DHX34: variants seen among roughly 807,000 people sequenced by gnomAD.
The protein encoded by DHX34 is DExH-box helicase 34, also known as probable ATP-dependent RNA helicase DHX34.
A neutral mutation model predicts 111.1 loss-of-function variants in DHX34; 96 were observed. That is an observed-to-expected ratio of 0.86 (90% CI 0.73 to 1.02). The LOEUF (loss-of-function observed/expected upper bound fraction) is 1.02. Among genes scored for constraint, DHX34 ranks in the 50% least tolerant of loss-of-function variants. The probability of loss-of-function intolerance (pLI) is 0.00; values close to 1 mark genes in which losing one functional copy is unlikely to be tolerated. For missense variants in DHX34, 1,560 were observed against 1,579.9 expected (o/e 0.99, Z 0.21); for synonymous variants, 688 against 670.4 (o/e 1.03, Z -0.41).
intron 7 of DHX34, among the ~76,000 whole-genome samples, chr19:47,368,818 A>G (rs574574679): frequency 6.6e-6 from 1 of 151,860 alleles, no homozygotes. Flanking sequence ...GATTCAAGCA[A>G]TTCTCCTGCC....
At chr19:47,369,635 C>T (rs575417324) in intron 7 of DHX34, among the ~76,000 whole-genome samples, 5 of 152,250 alleles carry the variant, frequency 3.3e-5, no homozygotes, top group Non-Finnish European at 7.4e-5. Context: ...ATGCAGGGCA[C>T]GGTGGGCACA....
At chr19:47,375,241 G>A (rs1327143392) in intron 9 of DHX34, 8 of 972,926 alleles carry the variant, frequency 8.2e-6, no homozygotes, top group South Asian at 9.5e-5. Context: ...GGCACTGGAC[G>A]CCCGCACCTG....
At position 47,353,081 on chromosome 19, in the gene DHX34, G is replaced by T. The variant is rs1044992648; in HGVS notation, c.51G>T (p.Arg17=). 13 of 1,613,994 alleles carry T rather than the reference G, an allele frequency of 8.1e-6. No individual in the cohort carries two copies. The highest frequency in any genetic ancestry group is 1.1e-5 in the Non-Finnish European group (13 of 1,179,988). The change falls in exon 2 of 17, where the codon CGG becomes CGT. Residue 17 remains arginine (R), a synonymous_variant. Coordinates refer to ENST00000328771, the MANE Select transcript of DHX34 (RefSeq NM_014681.6). The surrounding 1 kb of genome is among the most constrained non-coding windows in gnomAD (Gnocchi z 4.6). ...GCAGGGATCGCCGAGACCACCACCGGGCTCCCAGCGAGGAAGAGGCCTTGG... is the reference window on the plus strand; with the variant it reads ...GCAGGGATCGCCGAGACCACCACCGTGCTCCCAGCGAGGAAGAGGCCTTGG... ...REGRDRRDHH[R]APSEEEALEK... is the part of the protein sequence containing the mutation.
rs555319482 is a variant in DHX34 at position 47,353,653 on chromosome 19, C to T, written c.623C>T (p.Ala208Val). Residue 208 changes from alanine (A) to valine (V), a missense_variant, in exon 2 of 17, where the codon GCG becomes GTG. Ala to Val is a moderately conservative substitution (Grantham distance 64, BLOSUM62 0). Coordinates refer to ENST00000328771, the MANE Select transcript of DHX34 (RefSeq NM_014681.6). The surrounding 1 kb of genome is among the most constrained non-coding windows in gnomAD (Gnocchi z 4.6). ...YLLAAGFSHV[A>V]CTQPRRIACI... The stretch of plus-strand genomic sequence containing the variant: ...CTGGCTGCTGGCTTCAGTCATGTGG[C>T]GTGCACCCAGCCCCGGCGGATCGCC... The T allele has an allele frequency of 5.6e-6, 9 of 1,613,062 alleles. No homozygotes were observed. Among genetic ancestry groups the T allele is most frequent in the South Asian group, 2.2e-5 (2 of 91,026 alleles).
At chr19:47,378,583 A>G (rs1371072436) in intron 13 of DHX34, among the ~76,000 whole-genome samples, 1 of 152,120 alleles carries the variant, frequency 6.6e-6, no homozygotes, top group Non-Finnish European at 1.5e-5. Context: ...GAATCCCAGC[A>G]CCTTGGGAGG....
chr19:47,381,056 C>T, intron 15 of DHX34, 64 bp downstream of exon 15: 1 of 1,545,952 alleles, frequency 6.5e-7, no homozygotes, highest in Non-Finnish European at 8.7e-7. Flanking sequence ...CCCGTTTCAC[C>T]TTAGTCCAGG....
chr19:47,353,073 CA>C lies in DHX34; in HGVS notation c.44del (p.His15ProfsTer161). 1 of 1,613,920 alleles carries C rather than the reference CA, an allele frequency of 6.2e-7. No homozygotes were observed. The highest frequency in any genetic ancestry group is 8.5e-7 in the Non-Finnish European group (1 of 1,179,816). On this transcript the variant is annotated frameshift_variant, in exon 2 of 17. Coordinates refer to ENST00000328771, the MANE Select transcript of DHX34 (RefSeq NM_014681.6). LOFTEE classifies it high-confidence loss of function. The surrounding 1 kb of genome is among the most constrained non-coding windows in gnomAD (Gnocchi z 4.6). ...AAGGGAGGGCAGGGATCGCCGAGAC[CA>C]CCACCGGGCTCCCAGCGAGGAAGAG... ...RTREGRDRRD[H>X]HRAPSEEEAL...
At chr19:47,376,880 G>C (rs914805809) in intron 12 of DHX34, 4 of 1,533,386 alleles carry the variant, frequency 2.6e-6, no homozygotes, top group African/African-American at 1.4e-5. Flanking sequence ...AGGCCCCCCT[G>C]GCACCCGTGT....
intron 6 of DHX34, among the ~76,000 whole-genome samples, chr19:47,365,574 TTGGG>T (rs1969765717): frequency 6.6e-6 from 1 of 152,042 alleles, no homozygotes; most frequent in African/African-American, 2.4e-5. Context: ...TAAATGAGTA[TTGGG>T]TGAACTCATA....
Position 47,353,858 on chromosome 19 carries a change from T to A in DHX34, c.705+123T>A. The stretch of plus-strand genomic sequence containing the variant: ...CCCTTGGACCCAGCGATGATTCTTC[T>A]AGAACTTTATCCACAGAGTGGCTTG... On this transcript the variant is annotated intron_variant, in intron 2 of 16. Coordinates refer to ENST00000328771, the MANE Select transcript of DHX34 (RefSeq NM_014681.6). The surrounding 1 kb of genome is among the most constrained non-coding windows in gnomAD (Gnocchi z 4.6). 1.0e-6 allele frequency: 1 copy of A among 961,082 alleles called. No individual in the cohort carries two copies. The highest frequency in any genetic ancestry group is 1.5e-6 in the Non-Finnish European group (1 of 670,352). 59.5% of individuals were successfully genotyped at this position (961,082 alleles called of 1,614,324 possible).
intron 7 of DHX34, among the ~76,000 whole-genome samples, chr19:47,370,347 C>T (rs1476913542): frequency 6.6e-6 from 1 of 152,152 alleles, no homozygotes; most frequent in East Asian, 1.9e-4. Context: ...CTCTCCTCTG[C>T]ACAGCGTGTC....
At chr19:47,372,396 A>C (rs1023077687) in intron 7 of DHX34, among the ~76,000 whole-genome samples, 1 of 152,044 alleles carries the variant, frequency 6.6e-6, no homozygotes. Flanking sequence ...GGGAAGCATC[A>C]GAGCGCTGGG....
rs1219626470 is a variant in DHX34, at chr19:47,353,921, G to C, written c.705+186G>C. ...ATGACAAAGGAGCTAGCATTAACCA[G>C]TGTAGCACTTTAACAGCAAAACAAT... On this transcript the variant is annotated intron_variant, in intron 2 of 16. Transcript: ENST00000328771. The surrounding 1 kb of genome is among the most constrained non-coding windows in gnomAD (Gnocchi z 4.6). Among the ~76,000 whole-genome samples the C allele has an allele frequency of 6.6e-6, 1 of 152,196 alleles. No homozygotes were observed. The highest frequency in any genetic ancestry group is 1.5e-5 in the Non-Finnish European group (1 of 68,026).
At chr19:47,376,656 G>C (rs375342685) in intron 12 of DHX34, 96 bp downstream of exon 12, 1 of 1,489,202 alleles carries the variant, frequency 6.7e-7, no homozygotes, top group African/African-American at 1.4e-5. Flanking sequence ...CTCCCACACC[G>C]GCCCAGGCTG....
At position 47,382,035 on chromosome 19, in the gene DHX34, C is replaced by T. The variant is rs1970379846; in HGVS notation, c.3354C>T (p.Pro1118=). The change falls in exon 17 of 17, where the codon CCC becomes CCT. Residue 1118 remains proline, a synonymous_variant. Coordinates refer to ENST00000328771, the MANE Select transcript of DHX34 (RefSeq NM_014681.6). ...AGAAGACATCTGTCCTGCAGAGGCC[C>T]TACCACTGCGAGGCCTGCGGGAAGG... ...TLQKTSVLQR[P]YHCEACGKDF... 6 of 1,614,050 alleles carry T rather than the reference C, an allele frequency of 3.7e-6. No homozygotes were observed. The highest frequency in any genetic ancestry group is 1.1e-5 in the South Asian group (1 of 91,092).
Position 47,375,522 on chromosome 19 carries a change from C to T in DHX34, c.2121C>T (p.Asp707=). The T allele has an allele frequency of 1.9e-6, 3 of 1,567,734 alleles. No individual in the cohort carries two copies. Among genetic ancestry groups the T allele is most frequent in the South Asian group, 2.3e-5 (2 of 86,636 alleles). ...LAGAQAAQVG[D]SYSRLQQRRE... is the part of the protein sequence containing the mutation. Reference sequence around the variant, plus strand: ...GGGCCCAGGCCGCGCAGGTAGGGGACAGCTACAGTCGGTTGCAGCAGCGCC... The same window carrying T: ...GGGCCCAGGCCGCGCAGGTAGGGGATAGCTACAGTCGGTTGCAGCAGCGCC... The change falls in exon 10 of 17, where the codon GAC becomes GAT. Residue 707 remains aspartate, a synonymous_variant. Coordinates refer to ENST00000328771, the MANE Select transcript of DHX34 (RefSeq NM_014681.6).
In DHX34 at chr19:47,379,854, G is replaced by C; in HGVS notation, c.2851G>C (p.Glu951Gln). ...AASLRLRARWESALDRQLAHQ... is the reference protein window; with the variant it reads ...AASLRLRARWQSALDRQLAHQ... ...TTCCCTGCGGCTCCGTGCCCGCTGGGAAAGTGCCCTGGACCGGCAGCTGGC... is the reference window on the plus strand; with the variant it reads ...TTCCCTGCGGCTCCGTGCCCGCTGGCAAAGTGCCCTGGACCGGCAGCTGGC... Residue 951 changes from glutamate (E) to glutamine (Q), a missense_variant, in exon 14 of 17, where the codon GAA (glutamate) becomes CAA (glutamine). Transcript: ENST00000328771. 1.2e-6 allele frequency: 2 copies of C among 1,613,786 alleles called. No individual in the cohort carries two copies. Among genetic ancestry groups the C allele is most frequent in the East Asian group, 2.2e-5 (1 of 44,878 alleles).
intron 13 of DHX34, among the ~76,000 whole-genome samples, chr19:47,377,877 C>T (rs967975392): frequency 1.2e-4 from 18 of 151,980 alleles, no homozygotes; most frequent in African/African-American, 4.1e-4. Flanking sequence ...TGCATGGGCA[C>T]CGGCAGCAGA....
Position 47,380,897 on chromosome 19 carries a change from C to G in DHX34, c.3064C>G (p.His1022Asp). ...VGPQTIPATP[H>D]LPGLFGSSTL... Reference sequence around the variant, plus strand: ...ACCCCAGACCATCCCAGCCACCCCCCATCTTCCTGGCCTCTTTGGCAGCTC... The same window carrying G: ...ACCCCAGACCATCCCAGCCACCCCCGATCTTCCTGGCCTCTTTGGCAGCTC... The change falls in exon 15 of 17, where the codon CAT becomes GAT. Residue 1022 changes from histidine to aspartate, a missense_variant. Coordinates refer to ENST00000328771, the MANE Select transcript of DHX34 (RefSeq NM_014681.6). 6.2e-7 allele frequency: 1 copy of G among 1,613,820 alleles called. No individual in the cohort carries two copies. Among genetic ancestry groups the G allele is most frequent in the Non-Finnish European group, 8.5e-7 (1 of 1,179,846 alleles).
Sources: gnomAD v4.1 joint callset for allele counts (sites outside exome capture counted in the v4.1 genomes callset) on GRCh38, gnomAD v4.1.1 for gene constraint, Gnocchi (gnomAD v3.1) non-coding constraint, MANE v1.5 for transcripts, NCBI Gene and HGNC (gene_info 2026-07-23, HGNC 2026-07-21) for gene names.